LRFN5: variants seen among roughly 807,000 people sequenced by gnomAD.
LRFN5 encodes the protein leucine rich repeat and fibronectin type III domain containing 5, also known as leucine-rich repeat and fibronectin type-III domain-containing protein 5.
LRFN5 carries 24 observed loss-of-function variants against 45.6 expected under a neutral mutation model. The ratio of observed to expected loss-of-function variants is 0.53; its 90% CI spans 0.38 to 0.74. LRFN5 has a LOEUF of 0.74. LRFN5 is among the 30% of genes least tolerant of loss of function. LRFN5 has a pLI of 0.00. For synonymous variants in LRFN5, 340 were observed against 313.8 expected (o/e 1.08, Z -0.88); for missense variants, 776 against 861.5 (o/e 0.90, Z 1.24).
intron 2 of LRFN5, among the ~76,000 whole-genome samples, chr14:41,801,459 C>A (rs1042380083): frequency 4.6e-5 from 7 of 152,132 alleles, no homozygotes; most frequent in Non-Finnish European, 7.4e-5. Flanking sequence ...AAACAAACTG[C>A]ATATATCTTA....
intron 1 of LRFN5, among the ~76,000 whole-genome samples, chr14:41,689,088 C>G (rs1882252682): frequency 6.8e-6 from 1 of 146,748 alleles, no homozygotes; most frequent in South Asian, 2.2e-4. Context: ...GAGTGAGAAC[C>G]CATCTCTAAA....
chr14:41,792,716 A>G (rs1886971262), intron 2 of LRFN5, among the ~76,000 whole-genome samples: 1 of 152,010 alleles, frequency 6.6e-6, no homozygotes, highest in Non-Finnish European at 1.5e-5. Flanking sequence ...AATCACTATT[A>G]TTCTGTTCTT....
At chr14:41,635,714 C>T (rs567656396) in intron 1 of LRFN5, among the ~76,000 whole-genome samples, 4 of 152,186 alleles carry the variant, frequency 2.6e-5, no homozygotes, top group African/African-American at 7.2e-5. Context: ...ATGAATAAAA[C>T]AACAACAGGT....
At chr14:41,825,391 A>G (rs1447950441) in intron 2 of LRFN5, among the ~76,000 whole-genome samples, 1 of 152,200 alleles carries the variant, frequency 6.6e-6, no homozygotes, top group Non-Finnish European at 1.5e-5. Context: ...AGCGATGCTC[A>G]TGTCTCTGCT....
Position 41,790,538 on chromosome 14 carries a change from T to G in LRFN5, c.-21+23509T>G, listed in dbSNP as rs149903029. 5.1e-3 allele frequency among the ~76,000 whole-genome samples: 763 copies of G among 151,088 alleles called. 11 individuals are homozygous for G. The highest frequency in any genetic ancestry group is 0.018 in the African/African-American group (733 of 41,342). On this transcript the variant is annotated intron_variant, in intron 2 of 5. Coordinates refer to ENST00000298119, the MANE Select transcript of LRFN5 (RefSeq NM_152447.5). ...GATTTTCTTTTTCTGCTAATTAATATTTGCTCTTCTTCTTTAATATACATG... is the reference window on the plus strand; with the variant it reads ...GATTTTCTTTTTCTGCTAATTAATAGTTGCTCTTCTTCTTTAATATACATG...
intron 2 of LRFN5, among the ~76,000 whole-genome samples, chr14:41,773,692 G>T (rs993644274): frequency 6.6e-6 from 1 of 152,122 alleles, no homozygotes; most frequent in Non-Finnish European, 1.5e-5. Flanking sequence ...ACTACCATAT[G>T]ATAGTGAGGA....
chr14:41,727,969 T>C (rs1234416398), intron 1 of LRFN5, among the ~76,000 whole-genome samples: 4 of 152,176 alleles, frequency 2.6e-5, no homozygotes, highest in Admixed American at 2.6e-4. Context: ...GAGTGTAAAT[T>C]CTCCAGAGAG....
chr14:41,859,676 A>G (rs1367398723), intron 2 of LRFN5, among the ~76,000 whole-genome samples: 1 of 152,238 alleles, frequency 6.6e-6, no homozygotes, highest in Non-Finnish European at 1.5e-5. Context: ...GACAGAAAAC[A>G]CTCAAACATT....
chr14:41,842,280 A>G (rs1358525923), intron 2 of LRFN5, among the ~76,000 whole-genome samples: 5 of 152,120 alleles, frequency 3.3e-5, no homozygotes, highest in African/African-American at 1.2e-4. Context: ...TATCTAAGTC[A>G]GCAAACAAAT....
chr14:41,706,178 G>A (rs950420028), intron 1 of LRFN5, among the ~76,000 whole-genome samples: 7 of 151,756 alleles, frequency 4.6e-5, no homozygotes, highest in South Asian at 2.1e-4. Context: ...TTGGCTCACC[G>A]CAACCTGCAC....
intron 1 of LRFN5, among the ~76,000 whole-genome samples, chr14:41,675,600 G>C (rs902889168): frequency 6.6e-6 from 1 of 152,032 alleles, no homozygotes; most frequent in Non-Finnish European, 1.5e-5. Flanking sequence ...GTGGAAAGAG[G>C]GGACAGGGAG....
At chr14:41,714,496 C>T (rs898831949) in intron 1 of LRFN5, among the ~76,000 whole-genome samples, 5 of 152,086 alleles carry the variant, frequency 3.3e-5, no homozygotes, top group Non-Finnish European at 7.4e-5. Flanking sequence ...TTTCCCTTTG[C>T]TGTAGTGAAC....
intron 2 of LRFN5, among the ~76,000 whole-genome samples, chr14:41,831,567 T>C (rs1888483059): frequency 6.6e-6 from 1 of 152,196 alleles, no homozygotes; most frequent in Admixed American, 6.5e-5. Context: ...TCTATATATA[T>C]GCTTGGTACA....
chr14:41,799,446 T>C (rs1436695429), intron 2 of LRFN5, among the ~76,000 whole-genome samples: 1 of 151,996 alleles, frequency 6.6e-6, no homozygotes, highest in East Asian at 1.9e-4. Context: ...ACTGCACATT[T>C]CACTTCTCCT....
chr14:41,842,212 T>C (rs1229478078), intron 2 of LRFN5, among the ~76,000 whole-genome samples: 1 of 152,112 alleles, frequency 6.6e-6, no homozygotes, highest in Non-Finnish European at 1.5e-5. Flanking sequence ...CATTTGTAGA[T>C]ATTGCATTGA....
At chr14:41,628,612 T>A (rs547049484) in intron 1 of LRFN5, among the ~76,000 whole-genome samples, 1 of 151,906 alleles carries the variant, frequency 6.6e-6, no homozygotes, top group African/African-American at 2.4e-5. Flanking sequence ...TATAAATAAA[T>A]AAATAAATAA....
chr14:41,780,789 AT>A (rs1886454095), intron 2 of LRFN5, among the ~76,000 whole-genome samples: 1 of 151,986 alleles, frequency 6.6e-6, no homozygotes, highest in Non-Finnish European at 1.5e-5. Context: ...TTAAATGAAC[AT>A]TTTATATGAT....
intron 2 of LRFN5, among the ~76,000 whole-genome samples, chr14:41,869,629 G>A (rs1480796488): frequency 6.6e-6 from 1 of 152,070 alleles, no homozygotes; most frequent in Non-Finnish European, 1.5e-5. Context: ...AGAAAAAGAG[G>A]TTTAATGGAC....
At chr14:41,826,273 G>C (rs373881976) in intron 2 of LRFN5, among the ~76,000 whole-genome samples, 1 of 152,166 alleles carries the variant, frequency 6.6e-6, no homozygotes, top group East Asian at 1.9e-4. Flanking sequence ...CTTTAAAAGT[G>C]ACTTTCTGCT....
Sources: gnomAD v4.1 joint callset for allele counts (sites outside exome capture counted in the v4.1 genomes callset) on GRCh38, gnomAD v4.1.1 for gene constraint, MANE v1.5 for transcripts, NCBI Gene and HGNC (gene_info 2026-07-23, HGNC 2026-07-21) for gene names.